Variants in GPHN observed in about 807,000 individuals in gnomAD.
GPHN encodes the protein gephyrin.
In GPHN, 17 loss-of-function variants were observed where a neutral mutation model predicts 95.5. The observed-to-expected ratio is 0.18, with a 90% CI of 0.12 to 0.27. GPHN has a LOEUF of 0.27. GPHN is among the 10% of genes least tolerant of loss of function. GPHN has a pLI of 1.00. For missense variants in GPHN, 660 were observed against 978.1 expected (o/e 0.67, Z 4.34); for synonymous variants, 320 against 322.5 (o/e 0.99, Z 0.08).
At chr14:67,435,077 C>G in the GPHN span, among the ~76,000 whole-genome samples, 1 of 151,322 alleles carries the variant, frequency 6.6e-6, no homozygotes, top group Non-Finnish European at 1.5e-5. Context: ...AGCAATTCTT[C>G]TGCCTCAGCC....
intron 2 of GPHN, among the ~76,000 whole-genome samples, chr14:66,768,820 T>C (rs2059056595): frequency 1.3e-5 from 2 of 151,964 alleles, no homozygotes; most frequent in South Asian, 4.1e-4. Context: ...TTTCTAAGCA[T>C]TCATGGGGTG....
chr14:67,194,646 C>T, the GPHN span, among the ~76,000 whole-genome samples: 2 of 152,106 alleles, frequency 1.3e-5, no homozygotes, highest in Non-Finnish European at 2.9e-5. Flanking sequence ...GCTGGGATTA[C>T]AGGCATGCGC....
intron 4 of GPHN, among the ~76,000 whole-genome samples, chr14:66,852,908 G>T (rs150991795): frequency 4.6e-5 from 7 of 152,222 alleles, no homozygotes; most frequent in African/African-American, 1.4e-4. Flanking sequence ...AGATGAATTT[G>T]TATCTTATTA....
intron 9 of GPHN, among the ~76,000 whole-genome samples, chr14:67,021,894 T>C (rs1260705698): frequency 6.6e-6 from 1 of 152,100 alleles, no homozygotes; most frequent in Non-Finnish European, 1.5e-5. Context: ...CTTCTGTTTC[T>C]ACATCTTGTT....
the GPHN span, among the ~76,000 whole-genome samples, chr14:67,336,969 G>A: frequency 6.6e-6 from 1 of 152,180 alleles, no homozygotes; most frequent in Non-Finnish European, 1.5e-5. Context: ...TAAAAATTCT[G>A]AAGGTAGACT....
At chr14:66,910,526 A>G (rs1173159765) in intron 5 of GPHN, among the ~76,000 whole-genome samples, 1 of 151,986 alleles carries the variant, frequency 6.6e-6, no homozygotes, top group Non-Finnish European at 1.5e-5. Context: ...CCTGTGACTC[A>G]TAAAATCTGC....
At chr14:66,591,723 A>G (rs950149203) in intron 1 of GPHN, among the ~76,000 whole-genome samples, 12 of 152,224 alleles carry the variant, frequency 7.9e-5, no homozygotes, top group Non-Finnish European at 1.2e-4. Context: ...GAAAATGACC[A>G]TACTGCCCAA....
At chr14:67,677,181 A>G in the GPHN span, 1 of 152,160 alleles carries the variant, frequency 6.6e-6, no homozygotes, top group African/African-American at 2.4e-5. Context: ...CTTTGGCAGC[A>G]TTACTTTTGA....
chr14:67,708,568 A>C, the GPHN span, among the ~76,000 whole-genome samples: 1 of 152,308 alleles, frequency 6.6e-6, no homozygotes, highest in South Asian at 2.1e-4. Context: ...GGCATATGAT[A>C]ATTTAACATA....
chr14:66,782,618 G>A (rs928565589), intron 3 of GPHN, among the ~76,000 whole-genome samples: 2 of 152,124 alleles, frequency 1.3e-5, no homozygotes, highest in Non-Finnish European at 2.9e-5. Flanking sequence ...AGGAGATTGA[G>A]ACCATCCTGG....
the GPHN span, among the ~76,000 whole-genome samples, chr14:67,425,690 G>A: frequency 6.6e-6 from 1 of 152,156 alleles, no homozygotes. Context: ...TGAGAGGGGA[G>A]CCCTGCCTCC....
chr14:66,625,914 A>C (rs1362596728), intron 1 of GPHN, among the ~76,000 whole-genome samples: 1 of 152,204 alleles, frequency 6.6e-6, no homozygotes, highest in African/African-American at 2.4e-5. Flanking sequence ...CTTATAACCC[A>C]GTGGACTTCA....
the GPHN span, among the ~76,000 whole-genome samples, chr14:67,661,814 G>A: frequency 4.0e-4 from 61 of 152,170 alleles, no homozygotes; most frequent in African/African-American, 6.3e-4. Context: ...GATTGCAAGC[G>A]TGAGCCACCG....
At chr14:67,083,766 A>T (rs1171768286) in intron 11 of GPHN, among the ~76,000 whole-genome samples, 1 of 152,174 alleles carries the variant, frequency 6.6e-6, no homozygotes, top group African/African-American at 2.4e-5. Context: ...CCTTGACCAT[A>T]TGCATGGAGG....
chr14:67,201,250 C>T, the GPHN span, among the ~76,000 whole-genome samples: 1,670 of 152,262 alleles, frequency 0.011, 19 homozygotes, highest in Middle Eastern at 0.017. Context: ...GCTAGGATGG[C>T]GCTACTGCAC....
At chr14:67,694,528 T>C in the GPHN span, among the ~76,000 whole-genome samples, 11 of 147,234 alleles carry the variant, frequency 7.5e-5, no homozygotes, top group Non-Finnish European at 1.2e-4. Flanking sequence ...TTTTTTTTTT[T>C]CCAGAAAAAT....
At chr14:66,592,781 C>T (rs978051555) in intron 1 of GPHN, among the ~76,000 whole-genome samples, 2 of 152,174 alleles carry the variant, frequency 1.3e-5, no homozygotes, top group Non-Finnish European at 1.5e-5. Flanking sequence ...CCACTTGACC[C>T]AGCAGTCCCA....
At chr14:67,302,151 G>A in the GPHN span, 12 of 1,558,852 alleles carry the variant, frequency 7.7e-6, no homozygotes, top group South Asian at 8.7e-5. Flanking sequence ...TTAAACAAGT[G>A]CATTTTTCTG....
intron 1 of GPHN, among the ~76,000 whole-genome samples, chr14:66,654,389 C>T (rs527589813): frequency 1.3e-5 from 2 of 152,262 alleles, no homozygotes; most frequent in Non-Finnish European, 2.9e-5. Context: ...GCCACCACGC[C>T]TGTTCTTATT....
Sources: gnomAD v4.1 joint callset for allele counts (sites outside exome capture counted in the v4.1 genomes callset) on GRCh38, gnomAD v4.1.1 for gene constraint, MANE v1.5 for transcripts, NCBI Gene and HGNC (gene_info 2026-07-23, HGNC 2026-07-21) for gene names.